Variants in FOXP1 observed in about 807,000 individuals in gnomAD.
The protein encoded by FOXP1 is forkhead box P1.
In FOXP1, 15 loss-of-function variants were observed where a neutral mutation model predicts 98.2. The ratio of observed to expected loss-of-function variants is 0.15; its 90% confidence interval spans 0.10 to 0.24. The LOEUF (loss-of-function observed/expected upper bound fraction) is 0.24, where lower values mean the gene tolerates loss of function less well. Ranked by LOEUF, FOXP1 falls within the 10% of genes least tolerant of loss-of-function variation. The pLI, the probability that FOXP1 is intolerant of heterozygous loss-of-function variation, is 1.00. For synonymous variants in FOXP1, 371 were observed against 314.5 expected, an observed-to-expected ratio of 1.18 and a Z score of -1.90; for missense variants, 633 against 848.5, an observed-to-expected ratio of 0.75 and a Z score of 3.15.
chr3:71,424,985 G>A (rs1332974586), intron 3 of FOXP1, among the ~76,000 whole-genome samples: 1 of 152,060 alleles, frequency 6.6e-6, no homozygotes. Flanking sequence ...TACTCTCAGT[G>A]TTTACTCAGA....
intron 3 of FOXP1, among the ~76,000 whole-genome samples, chr3:71,449,370 G>A (rs912745601): frequency 2.6e-5 from 4 of 152,090 alleles, no homozygotes; most frequent in Admixed American, 6.5e-5. Flanking sequence ...CCCTTAATCC[G>A]GTGTTAAAAG....
chr3:71,363,253 T>C (rs937642300), intron 3 of FOXP1, among the ~76,000 whole-genome samples: 3 of 152,150 alleles, frequency 2.0e-5, no homozygotes, highest in African/African-American at 4.8e-5. Flanking sequence ...GTAACAGTGG[T>C]AGTATTTCAA....
intron 3 of FOXP1, among the ~76,000 whole-genome samples, chr3:71,371,985 A>G (rs970137725): frequency 6.6e-6 from 1 of 150,658 alleles, no homozygotes; most frequent in Non-Finnish European, 1.5e-5. Context: ...CTCTTTGTAC[A>G]TGAGGATCAT....
chr3:71,488,204 C>T (rs2090805780), intron 3 of FOXP1, among the ~76,000 whole-genome samples: 1 of 152,104 alleles, frequency 6.6e-6, no homozygotes, highest in Non-Finnish European at 1.5e-5. Flanking sequence ...CTGTCACCTC[C>T]AATAGAATTC....
At chr3:71,222,109 C>A (rs1009772497) in intron 5 of FOXP1, among the ~76,000 whole-genome samples, 2 of 152,060 alleles carry the variant, frequency 1.3e-5, no homozygotes, top group South Asian at 4.1e-4. Context: ...GCCGAGATTG[C>A]GACACTGCAC....
At chr3:71,428,800 G>C (rs949239822) in intron 3 of FOXP1, among the ~76,000 whole-genome samples, 1 of 152,198 alleles carries the variant, frequency 6.6e-6, no homozygotes, top group South Asian at 2.1e-4. Context: ...ACTTGAAGGG[G>C]AACATTGGAA....
intron 6 of FOXP1, among the ~76,000 whole-genome samples, chr3:71,146,518 T>TA (rs1219270941): frequency 6.6e-6 from 1 of 151,954 alleles, no homozygotes; most frequent in East Asian, 1.9e-4. Flanking sequence ...AAATAAAAAA[T>TA]AAAAAATAAA....
intron 14 of FOXP1, among the ~76,000 whole-genome samples, chr3:70,979,165 C>T (rs2038232375): frequency 6.6e-6 from 1 of 150,918 alleles, no homozygotes; most frequent in Admixed American, 6.6e-5. Context: ...GCCTGTAGTC[C>T]CAGCTACCTA....
At chr3:71,209,100 G>A (rs1389162480) in intron 5 of FOXP1, among the ~76,000 whole-genome samples, 3 of 152,082 alleles carry the variant, frequency 2.0e-5, no homozygotes, top group Non-Finnish European at 4.4e-5. Flanking sequence ...ACATTACTTA[G>A]AAATTAAAAA....
At chr3:71,053,053 A>G (rs1258150708) in intron 8 of FOXP1, among the ~76,000 whole-genome samples, 2 of 152,006 alleles carry the variant, frequency 1.3e-5, no homozygotes, top group Non-Finnish European at 2.9e-5. Context: ...CAGGCCAGTG[A>G]CTCCCAACGC....
At chr3:70,991,515 T>C (rs2040598341) in intron 13 of FOXP1, among the ~76,000 whole-genome samples, 1 of 152,126 alleles carries the variant, frequency 6.6e-6, no homozygotes, top group East Asian at 1.9e-4. Context: ...GGGAACACGG[T>C]TTGGGGTTCA....
chr3:71,141,283 A>T (rs1304191502), intron 6 of FOXP1, among the ~76,000 whole-genome samples: 1 of 151,126 alleles, frequency 6.6e-6, no homozygotes, highest in Admixed American at 6.6e-5. Flanking sequence ...AAAAAAAAAA[A>T]AAAGAAACTG....
chr3:71,387,113 T>C (rs2080649784), intron 3 of FOXP1, among the ~76,000 whole-genome samples: 1 of 152,212 alleles, frequency 6.6e-6, no homozygotes, highest in Non-Finnish European at 1.5e-5. Flanking sequence ...GTTTATATTT[T>C]CAGCAAGCTC....
intron 20 of FOXP1, among the ~76,000 whole-genome samples, chr3:70,962,366 T>A (rs754174443): frequency 6.6e-6 from 1 of 152,232 alleles, no homozygotes; most frequent in Non-Finnish European, 1.5e-5. Context: ...TTTCTAAGAA[T>A]GGAATTGTTA....
chr3:71,103,125 T>C (rs1425801843), intron 7 of FOXP1, among the ~76,000 whole-genome samples: 1 of 152,146 alleles, frequency 6.6e-6, no homozygotes, highest in African/African-American at 2.4e-5. Flanking sequence ...AATGTCAGGG[T>C]AGGGGGTTGC....
At chr3:71,492,463 A>G (rs1165626887) in intron 3 of FOXP1, among the ~76,000 whole-genome samples, 1 of 151,688 alleles carries the variant, frequency 6.6e-6, no homozygotes, top group Non-Finnish European at 1.5e-5. Flanking sequence ...AAAAAAAAAA[A>G]GAAAAAAAAT....
At chr3:71,194,036 A>C (rs1460194705) in intron 6 of FOXP1, among the ~76,000 whole-genome samples, 2 of 152,312 alleles carry the variant, frequency 1.3e-5, no homozygotes, top group Admixed American at 1.3e-4. Context: ...CAACACCTTA[A>C]ACCAGATGTC....
intron 13 of FOXP1, among the ~76,000 whole-genome samples, chr3:70,994,993 T>C (rs918794580): frequency 3.3e-5 from 5 of 152,176 alleles, no homozygotes; most frequent in African/African-American, 1.2e-4. Flanking sequence ...CTGTCTCAGC[T>C]TCCTAAGTGA....
At chr3:71,413,101 G>A (rs750023691) in intron 3 of FOXP1, among the ~76,000 whole-genome samples, 3 of 151,166 alleles carry the variant, frequency 2.0e-5, no homozygotes, top group Admixed American at 6.6e-5. Context: ...ACAGCCAACC[G>A]GCTATTCAGC....
Sources: allele counts gnomAD v4.1 joint callset (sites outside exome capture counted in the v4.1 genomes callset), GRCh38; gene constraint gnomAD v4.1.1; transcripts MANE v1.5; gene names NCBI Gene and HGNC (gene_info 2026-07-23, HGNC 2026-07-21).